GRSF1: variants seen among roughly 807,000 people sequenced by gnomAD.
GRSF1 encodes G-rich RNA sequence binding factor 1.
Under a neutral mutation model 51.1 loss-of-function variants are expected in GRSF1, and 50 were observed. That is an observed-to-expected ratio of 0.98 (90% CI 0.78 to 1.24). GRSF1 has a LOEUF of 1.24. GRSF1 is among the 50% of genes most tolerant of loss of function. The probability of loss-of-function intolerance (pLI) is 0.00; values close to 1 mark genes in which losing one functional copy is unlikely to be tolerated. For synonymous variants in GRSF1, 293 were observed against 253.3 expected (o/e 1.16, Z -1.49); for missense variants, 700 against 639.7 (o/e 1.09, Z -1.02).
In GRSF1 at chr4:70,817,683, G is replaced by A. The variant is rs1733363653; in HGVS notation, c.*3204C>T. On this transcript the variant is annotated 3_prime_UTR_variant, in exon 10 of 10. Transcript: ENST00000254799. ...TCATTGTCAATGGGAATTCAAAATAGTCATGTTGGAACAGTTTGGCAGTTT... is the reference window on the plus strand; with the variant it reads ...TCATTGTCAATGGGAATTCAAAATAATCATGTTGGAACAGTTTGGCAGTTT... The A allele has an allele frequency of 6.6e-6, 1 of 152,180 alleles. No homozygotes were observed. Among genetic ancestry groups the A allele is most frequent in the Non-Finnish European group, 1.5e-5 (1 of 68,036 alleles). 9.4% of individuals were successfully genotyped at this position (152,180 alleles called of 1,614,324 possible).
intron 2 of GRSF1, among the ~76,000 whole-genome samples, chr4:70,835,721 G>T (rs1249048794): frequency 1.3e-5 from 2 of 152,088 alleles, no homozygotes; most frequent in Non-Finnish European, 2.9e-5. Flanking sequence ...GATTACAGGC[G>T]TGAGCCACTG....
At chr4:70,825,137 A>G (rs1382428555) in intron 8 of GRSF1, among the ~76,000 whole-genome samples, 159 bp downstream of exon 8, 1 of 152,206 alleles carries the variant, frequency 6.6e-6, no homozygotes, top group Non-Finnish European at 1.5e-5. Context: ...AAAATTTTTT[A>G]AATTATAATA....
At chr4:70,836,699 A>C (rs1048502935) in intron 1 of GRSF1, among the ~76,000 whole-genome samples, 2 of 152,218 alleles carry the variant, frequency 1.3e-5, no homozygotes, top group African/African-American at 4.8e-5. Flanking sequence ...CGATAAGCAT[A>C]CAAGATGAGA....
At chr4:70,828,389 T>C (rs1733817955) in intron 5 of GRSF1, among the ~76,000 whole-genome samples, 1 of 152,238 alleles carries the variant, frequency 6.6e-6, no homozygotes, top group African/African-American at 2.4e-5. Flanking sequence ...TAACAATCTC[T>C]TGAAGCTCTG....
intron 1 of GRSF1, chr4:70,839,238 C>T (rs1332693788): frequency 2.0e-6 from 3 of 1,466,002 alleles, no homozygotes; most frequent in Non-Finnish European, 9.1e-7. Context: ...ACTGCCCAAC[C>T]GACCAGAGAC....
rs1465941989 is a variant in GRSF1, at chr4:70,819,933, G to A, written c.*954C>T. On this transcript the variant is annotated 3_prime_UTR_variant, in exon 10 of 10. Transcript: ENST00000254799. The stretch of plus-strand genomic sequence containing the variant: ...CCCTTCACACAATTATACATTAAAT[G>A]CTATTTTTATTTAAGCAAGGCACCC... 6.6e-6 allele frequency: 1 copy of A among 152,578 alleles called. No individual in the cohort carries two copies. Among genetic ancestry groups the A allele is most frequent in the East Asian group, 1.9e-4 (1 of 5,198 alleles). The allele number at this position is 152,578 out of a possible 1,614,324, so 9.5% of individuals were successfully genotyped here.
At chr4:70,838,154 G>C (rs1342711985) in intron 1 of GRSF1, among the ~76,000 whole-genome samples, 2 of 142,990 alleles carry the variant, frequency 1.4e-5, no homozygotes, top group Non-Finnish European at 3.0e-5. Flanking sequence ...GGAAGGCGGA[G>C]CTTGCAGTGA....
chr4:70,822,708 G>A (rs759300412), intron 9 of GRSF1, among the ~76,000 whole-genome samples: 2 of 152,016 alleles, frequency 1.3e-5, no homozygotes, highest in Non-Finnish European at 2.9e-5. Context: ...AGCTACTAAA[G>A]GTGGCTATTT....
In GRSF1 at chr4:70,822,312, G is replaced by A. The variant is rs138619707; in HGVS notation, c.*26-1451C>T. Among the ~76,000 whole-genome samples, 752 of 152,272 alleles carry A rather than the reference G, an allele frequency of 4.9e-3. 10 individuals are homozygous for A. Among genetic ancestry groups the A allele is most frequent in the African/African-American group, 0.017 (727 of 41,550 alleles). On this transcript the variant is annotated intron_variant, in intron 9 of 9. Transcript: ENST00000254799. ...TTAAAACAGAAAATGGCTGGGCGTG[G>A]TGGCTCACACCTGTAATCCCAGCAC...
upstream of GRSF1, chr4:70,840,044 C>A (rs1734409802): frequency 1.3e-5 from 6 of 477,274 alleles, no homozygotes; most frequent in East Asian, 7.3e-5. Context: ...TTGGGCGGGG[C>A]TGCCCATGGT....
intron 1 of GRSF1, among the ~76,000 whole-genome samples, chr4:70,837,578 A>AAG (rs1199769265): frequency 3.3e-5 from 5 of 150,454 alleles, no homozygotes; most frequent in Non-Finnish European, 5.9e-5. Flanking sequence ...AAAAAAAAAA[A>AAG]AAAAGACTTG....
rs979512238 is a variant in GRSF1, at chr4:70,835,210, G to A, written c.514+948C>T. Among the ~76,000 whole-genome samples, 7 of 151,392 alleles carry A rather than the reference G, an allele frequency of 4.6e-5. No individual in the cohort carries two copies. The East Asian group carries it at 6.3e-4, about 14-fold the overall frequency. ...TGTAATCCCAGCACTGTGGGAAGCC[G>A]AGGCAGGCAGATCACAAGGTCAGGA... On this transcript the variant is annotated intron_variant, in intron 2 of 9. Transcript: ENST00000254799.
rs1733291209 is a variant in GRSF1 at position 70,815,893 on chromosome 4, T to C, written c.*4994A>G. ...GTGAAACGTTAAAATGTGGCATTCA[T>C]ACATAGAACACTGCTCAGCCATAAA... On this transcript the variant is annotated 3_prime_UTR_variant, in exon 10 of 10. Coordinates refer to ENST00000254799, the MANE Select transcript of GRSF1 (RefSeq NM_002092.4). The C allele has an allele frequency of 6.6e-6, 1 of 152,168 alleles. No individual in the cohort carries two copies. Among genetic ancestry groups the C allele is most frequent in the African/African-American group, 2.4e-5 (1 of 41,430 alleles). The allele number at this position is 152,168 out of a possible 1,614,324, so 9.4% of individuals were successfully genotyped here.
At position 70,817,984 on chromosome 4, in the gene GRSF1, T is replaced by C. The variant is rs1733373809; in HGVS notation, c.*2903A>G. 6.6e-6 allele frequency: 1 copy of C among 152,236 alleles called. No homozygotes were observed. Among genetic ancestry groups the C allele is most frequent in the South Asian group, 2.1e-4 (1 of 4,832 alleles). 9.4% of individuals were successfully genotyped at this position (152,236 alleles called of 1,614,324 possible). On this transcript the variant is annotated 3_prime_UTR_variant, in exon 10 of 10. Coordinates refer to ENST00000254799, the MANE Select transcript of GRSF1 (RefSeq NM_002092.4). ...TATACTATAGGTCCTACCAATTCAA[T>C]GTGAGTGTCTTCCGATAATTTAGGG...
rs1733296312 is a variant in GRSF1, at chr4:70,816,026, G to A, written c.*4861C>T. On this transcript the variant is annotated 3_prime_UTR_variant, in exon 10 of 10. Transcript: ENST00000254799. The stretch of plus-strand genomic sequence containing the variant: ...GTCCGTTATATGAAGTTCTAGAATA[G>A]GCAAAATTAATCTACAGTGAACAAA... 1 of 152,200 alleles carries A rather than the reference G, an allele frequency of 6.6e-6. No individual in the cohort carries two copies. Among genetic ancestry groups the A allele is most frequent in the South Asian group, 2.1e-4 (1 of 4,834 alleles). The allele number at this position is 152,200 out of a possible 1,614,324, so 9.4% of individuals were successfully genotyped here.
upstream of GRSF1, among the ~76,000 whole-genome samples, chr4:70,840,620 G>A (rs759719344): frequency 6.6e-6 from 1 of 152,224 alleles, no homozygotes; most frequent in Non-Finnish European, 1.5e-5. Context: ...AAAATTAGCC[G>A]GGTGTGGTGA....
intron 5 of GRSF1, among the ~76,000 whole-genome samples, chr4:70,828,240 T>C (rs1233480816): frequency 6.6e-6 from 1 of 152,232 alleles, no homozygotes; most frequent in Non-Finnish European, 1.5e-5. Flanking sequence ...TTTAAGTTTT[T>C]GCATCAAGGT....
At chr4:70,839,110 T>G in intron 1 of GRSF1, 2 of 1,295,828 alleles carry the variant, frequency 1.5e-6, no homozygotes, top group Non-Finnish European at 2.0e-6. Context: ...GCCTCGCAAC[T>G]TCACAACCAG....
intron 5 of GRSF1, among the ~76,000 whole-genome samples, chr4:70,828,680 T>C (rs1733830516): frequency 6.6e-6 from 1 of 151,784 alleles, no homozygotes; most frequent in Non-Finnish European, 1.5e-5. Context: ...GTGATCCTCC[T>C]GCCTCAGCCT....
Sources: allele counts gnomAD v4.1 joint callset (sites outside exome capture counted in the v4.1 genomes callset), GRCh38; gene constraint gnomAD v4.1.1; transcripts MANE v1.5; gene names NCBI Gene and HGNC (gene_info 2026-07-23, HGNC 2026-07-21).